SPEF1: variants seen among roughly 807,000 people sequenced by gnomAD.
SPEF1 encodes sperm flagella and cilia-associated protein 1.
SPEF1 carries 30 observed loss-of-function variants against 31.8 expected under a neutral mutation model. The ratio of observed to expected loss-of-function variants is 0.94; its 90% CI spans 0.70 to 1.28. The LOEUF is 1.28. SPEF1 is among the 50% of genes most tolerant of loss of function. The pLI, the probability that SPEF1 is intolerant of heterozygous loss-of-function variation, is 0.00. For missense variants in SPEF1, 298 were observed against 309.6 expected, an observed-to-expected ratio of 0.96 and a Z score of 0.28; for synonymous variants, 126 against 130.1, an observed-to-expected ratio of 0.97 and a Z score of 0.21.
In SPEF1 at chr20:3,777,839, A is replaced by T. The variant is rs1195963968; in HGVS notation, c.*373T>A. The T allele has an allele frequency of 5.2e-6, 1 of 190,588 alleles. No homozygotes were observed. The highest frequency in any genetic ancestry group is 2.4e-5 in the African/African-American group (1 of 42,184). 11.8% of individuals were successfully genotyped at this position (190,588 alleles called of 1,614,324 possible). ...GGGACCTGATTCTGGGGGTGTGGAC[A>T]GAGCCAAGGGACCGCCCCCCAAGGC... On this transcript the variant is annotated 3_prime_UTR_variant, in exon 7 of 7. Transcript: ENST00000379756. The surrounding 1 kb of genome is among the most constrained non-coding windows in gnomAD (Gnocchi z 4.1).
rs566790019 is a variant in SPEF1, at chr20:3,779,141, G to A, written c.378+55C>T. 7 of 1,542,734 alleles carry A rather than the reference G, an allele frequency of 4.5e-6. No individual in the cohort carries two copies. The African/African-American group carries it at 5.5e-5, about 12-fold the overall frequency. ...CAGGCTGGCCTTTCTGTGGTCTGGGGAGCGCCCCCCACCCAGCCCCCAGAG... is the reference window on the plus strand; with the variant it reads ...CAGGCTGGCCTTTCTGTGGTCTGGGAAGCGCCCCCCACCCAGCCCCCAGAG... On this transcript the variant is annotated intron_variant, in intron 3 of 6. Transcript: ENST00000379756.
Position 3,781,402 on chromosome 20 carries a change from T to C in SPEF1, c.-115A>G, listed in dbSNP as rs2088778904. On this transcript the variant is annotated 5_prime_UTR_variant, in exon 1 of 7. Transcript: ENST00000379756. Reference sequence around the variant, plus strand: ...AAGCCCATAACTGCCTCTGCCTGCCTAATCCAGAGACTCACGTCCCAGCTG... The same window carrying C: ...AAGCCCATAACTGCCTCTGCCTGCCCAATCCAGAGACTCACGTCCCAGCTG... The C allele has an allele frequency of 2.1e-6, 3 of 1,431,718 alleles. No individual in the cohort carries two copies. The African/African-American group carries it at 4.3e-5, about 20-fold the overall frequency. The allele number at this position is 1,431,718 out of a possible 1,614,324, so 88.7% of individuals were successfully genotyped here.
chr20:3,778,516 G>C lies in SPEF1; in HGVS notation c.508C>G (p.Pro170Ala), dbSNP rs1251539595. Residue 170 changes from proline (P) to alanine (A), a missense_variant, in exon 6 of 7, where the codon CCA (proline) becomes GCA (alanine). Coordinates refer to ENST00000379756, the MANE Select transcript of SPEF1 (RefSeq NM_015417.5). Reference sequence around the variant, plus strand: ...CCCTGCAACGCCCGGTTATACGCTGGAGGCCGAGGCGCCGGCGGCCGGTCC... The same window carrying C: ...CCCTGCAACGCCCGGTTATACGCTGCAGGCCGAGGCGCCGGCGGCCGGTCC... ...SWDRPPAPRP[P>A]AYNRALQGDP... 1 of 1,610,672 alleles carries C rather than the reference G, an allele frequency of 6.2e-7. No individual in the cohort carries two copies. The highest frequency in any genetic ancestry group is 8.5e-7 in the Non-Finnish European group (1 of 1,179,152).
Position 3,779,780 on chromosome 20 carries a change from G to A in SPEF1, c.110-5C>T, listed in dbSNP as rs1470090215. 3 of 1,576,370 alleles carry A rather than the reference G, an allele frequency of 1.9e-6. No individual in the cohort carries two copies. The African/African-American group carries it at 4.1e-5, about 21-fold the overall frequency. On this transcript the variant is annotated splice_region_variant and splice_polypyrimidine_tract_variant and intron_variant, in intron 1 of 6. Transcript: ENST00000379756. ...TGATGACCTCTGCAACAAGGACTGA[G>A]GGAGAGGGGAGCAGACATGGAAAGT... is the stretch of plus-strand genomic sequence containing the variant.
chr20:3,781,209 G>T lies in SPEF1; in HGVS notation c.79C>A (p.Arg27=), dbSNP rs1419917485. The T allele has an allele frequency of 1.2e-6, 2 of 1,614,212 alleles. No homozygotes were observed. The highest frequency in any genetic ancestry group is 2.2e-5 in the South Asian group (2 of 91,086). ...TCGCTAAAGTCCCGGGAGAGGTTTC[G>T]CTTGGGCCGGGACAGAGGGATGTTG... The part of the protein sequence containing the change: ...VDNIPLSRPK[R]NLSRDFSDGV... The change falls in exon 1 of 7, where the codon CGA becomes AGA. Residue 27 remains arginine, a synonymous_variant. Transcript: ENST00000379756.
At position 3,778,046 on chromosome 20, in the gene SPEF1, C is replaced by T; in HGVS notation, c.*166G>A. 3.4e-6 allele frequency: 2 copies of T among 589,658 alleles called. No homozygotes were observed. The highest frequency in any genetic ancestry group is 3.2e-5 in the Admixed American group (1 of 31,638). The allele number at this position is 589,658 out of a possible 1,614,324, so 36.5% of individuals were successfully genotyped here. A position where few individuals can be genotyped will look rare whatever the true frequency, so the allele number is the denominator to read the frequency against. ...GCTCCTAGAGTTCCTGTCCCATCTC[C>T]TCCCACGCTCACCCATCCCAAGGAA... On this transcript the variant is annotated 3_prime_UTR_variant, in exon 7 of 7. Coordinates refer to ENST00000379756, the MANE Select transcript of SPEF1 (RefSeq NM_015417.5).
rs2088753951 is a variant in SPEF1 at position 3,777,852 on chromosome 20, C to G, written c.*360G>C. On this transcript the variant is annotated 3_prime_UTR_variant, in exon 7 of 7. Coordinates refer to ENST00000379756, the MANE Select transcript of SPEF1 (RefSeq NM_015417.5). The surrounding 1 kb of genome is among the most constrained non-coding windows in gnomAD (Gnocchi z 4.1). ...GGGGGTGTGGACAGAGCCAAGGGACCGCCCCCCAAGGCCCAGCGCCGGGAG... is the reference window on the plus strand; with the variant it reads ...GGGGGTGTGGACAGAGCCAAGGGACGGCCCCCCAAGGCCCAGCGCCGGGAG... 1 of 207,168 alleles carries G rather than the reference C, an allele frequency of 4.8e-6. No homozygotes were observed. The highest frequency in any genetic ancestry group is 1.2e-4 in the East Asian group (1 of 8,596). 12.8% of individuals were successfully genotyped at this position (207,168 alleles called of 1,614,324 possible).
intron 4 of SPEF1, 28 bp downstream of exon 4, chr20:3,778,923 G>A (rs764757441): frequency 1.2e-6 from 2 of 1,614,092 alleles, no homozygotes; most frequent in Non-Finnish European, 1.7e-6. Context: ...CTCCAACCGG[G>A]AGGGAGAAAT....
rs763255327 is a variant in SPEF1 at position 3,778,504 on chromosome 20, G to C, written c.520C>G (p.Arg174Gly). 9.3e-6 allele frequency: 15 copies of C among 1,612,214 alleles called. No individual in the cohort carries two copies. The highest frequency in any genetic ancestry group is 3.3e-5 in the Admixed American group (2 of 59,894). ...PPAPRPPAYN[R>G]ALQGDPSFVL... ...AAGCTGGGGTCGCCCTGCAACGCCC[G>C]GTTATACGCTGGAGGCCGAGGCGCC... The change falls in exon 6 of 7, where the codon CGG (arginine) becomes GGG (glycine). Residue 174 changes from arginine (R) to glycine (G), a missense_variant. Arg to Gly is a moderately radical substitution (Grantham distance 125, BLOSUM62 -2). Coordinates refer to ENST00000379756, the MANE Select transcript of SPEF1 (RefSeq NM_015417.5).
rs1405189841 is a variant in SPEF1, at chr20:3,778,742, T to A, written c.479+4A>T. 6.2e-7 allele frequency: 1 copy of A among 1,613,560 alleles called. No individual in the cohort carries two copies. Among genetic ancestry groups the A allele is most frequent in the East Asian group, 2.2e-5 (1 of 44,834 alleles). On this transcript the variant is annotated splice_donor_region_variant and intron_variant, in intron 5 of 6. Transcript: ENST00000379756. ...GTGAAGTCTGGAACTCCCAGCTTCT[T>A]TACCTGAGCTGACCCCCTCCCTGGG...
chr20:3,781,392 T>A lies in SPEF1; in HGVS notation c.-105A>T. The A allele has an allele frequency of 6.8e-7, 1 of 1,468,526 alleles. No individual in the cohort carries two copies. The highest frequency in any genetic ancestry group is 1.3e-5 in the South Asian group (1 of 76,772). 91.0% of individuals were successfully genotyped at this position (1,468,526 alleles called of 1,614,324 possible). Reference sequence around the variant, plus strand: ...GCCACTGCAGAAGCCCATAACTGCCTCTGCCTGCCTAATCCAGAGACTCAC... The same window carrying A: ...GCCACTGCAGAAGCCCATAACTGCCACTGCCTGCCTAATCCAGAGACTCAC... On this transcript the variant is annotated 5_prime_UTR_variant, in exon 1 of 7. Transcript: ENST00000379756.
intron 5 of SPEF1, 22 bp downstream of exon 5, chr20:3,778,724 C>A (rs780303067): frequency 6.2e-7 from 1 of 1,612,318 alleles, no homozygotes; most frequent in South Asian, 1.1e-5. Context: ...CTGGTGAAGT[C>A]TGGAACTCCC....
chr20:3,780,271 T>A (rs1483349446), intron 1 of SPEF1, among the ~76,000 whole-genome samples: 2 of 144,522 alleles, frequency 1.4e-5, no homozygotes, highest in Non-Finnish European at 1.5e-5. Context: ...GAGGTGGAGG[T>A]TGCAGTGAGC....
chr20:3,778,805 A>G lies in SPEF1; in HGVS notation c.420T>C (p.Gly140=). Residue 140 remains glycine, a splice_region_variant and synonymous_variant, in exon 5 of 7, where the codon GGT becomes GGC. Coordinates refer to ENST00000379756, the MANE Select transcript of SPEF1 (RefSeq NM_015417.5). Reference sequence around the variant, plus strand: ...CTTCACCTCGGGCCTTCTGGGATACACCTGAGACAAGGCAAGTGGAGGAAT... The same window carrying G: ...CTTCACCTCGGGCCTTCTGGGATACGCCTGAGACAAGGCAAGTGGAGGAAT... ...PQDGSGYMDV[G]VSQKARGEGV... The G allele has an allele frequency of 1.2e-6, 2 of 1,613,842 alleles. No homozygotes were observed. The highest frequency in any genetic ancestry group is 1.7e-6 in the Non-Finnish European group (2 of 1,179,926).
At position 3,779,151 on chromosome 20, in the gene SPEF1, C is replaced by G. The variant is rs768391814; in HGVS notation, c.378+45G>C. On this transcript the variant is annotated intron_variant, in intron 3 of 6. Transcript: ENST00000379756. ...TTTCTGTGGTCTGGGGAGCGCCCCCCACCCAGCCCCCAGAGCAGTGGGAGA... is the reference window on the plus strand; with the variant it reads ...TTTCTGTGGTCTGGGGAGCGCCCCCGACCCAGCCCCCAGAGCAGTGGGAGA... 3.9e-6 allele frequency: 6 copies of G among 1,544,826 alleles called. No homozygotes were observed. In the East Asian group the frequency reaches 7.2e-5, roughly 18 times the overall value.
chr20:3,779,069 C>G (rs2088764273), intron 3 of SPEF1, 79 bp from the exon 4 acceptor site: 1 of 1,606,596 alleles, frequency 6.2e-7, no homozygotes, highest in Admixed American at 1.7e-5. Flanking sequence ...CACGGGCCCC[C>G]AGGCCAGGCT....
In SPEF1 at chr20:3,778,297, C is replaced by T. The variant is rs201917752; in HGVS notation, c.626G>A (p.Arg209His). The T allele has an allele frequency of 8.7e-6, 14 of 1,612,402 alleles. No individual in the cohort carries two copies. Among genetic ancestry groups the T allele is most frequent in the South Asian group, 6.6e-5 (6 of 91,044 alleles). ...TVQVLQMKVR[R>H]LEHLLQLKNV... The stretch of plus-strand genomic sequence containing the variant: ...CTTGAGCTGGAGCAGGTGCTCCAGG[C>T]GCCTTACCTTCATCTGCAGGACCTA... The change falls in exon 7 of 7, where the codon CGC (arginine) becomes CAC (histidine). Residue 209 changes from arginine to histidine, a missense_variant. Coordinates refer to ENST00000379756, the MANE Select transcript of SPEF1 (RefSeq NM_015417.5).
At position 3,778,032 on chromosome 20, in the gene SPEF1, TC is replaced by T. The variant is rs2088755207; in HGVS notation, c.*179del. Reference sequence around the variant, plus strand: ...AGTCCCGGGCCTGCGCTCCTAGAGTTCCTGTCCCATCTCCTCCCACGCTCAC... The same window carrying T: ...AGTCCCGGGCCTGCGCTCCTAGAGTTCTGTCCCATCTCCTCCCACGCTCAC... On this transcript the variant is annotated 3_prime_UTR_variant, in exon 7 of 7. Transcript: ENST00000379756. The T allele has an allele frequency of 1.7e-6, 1 of 574,934 alleles. No homozygotes were observed. The highest frequency in any genetic ancestry group is 3.2e-5 in the Admixed American group (1 of 31,146). The allele number at this position is 574,934 out of a possible 1,614,324, so 35.6% of individuals were successfully genotyped here.
intron 1 of SPEF1, among the ~76,000 whole-genome samples, chr20:3,780,416 G>GCGCA (rs1445215501): frequency 8.7e-5 from 12 of 137,904 alleles, no homozygotes; most frequent in African/African-American, 2.8e-4. Flanking sequence ...GATGCATGAT[G>GCGCA]CACACACACA....
Sources: gnomAD v4.1 joint callset for allele counts (sites outside exome capture counted in the v4.1 genomes callset) on GRCh38, gnomAD v4.1.1 for gene constraint, Gnocchi (gnomAD v3.1) non-coding constraint, MANE v1.5 for transcripts, NCBI Gene and HGNC (gene_info 2026-07-23, HGNC 2026-07-21) for gene names.